Variants in CHL1 observed in about 807,000 individuals in gnomAD.
CHL1 encodes neural cell adhesion molecule L1-like protein.
Under a neutral mutation model 141.9 loss-of-function variants are expected in CHL1, and 96 were observed. The ratio of observed to expected loss-of-function variants is 0.68; its 90% confidence interval spans 0.57 to 0.80. CHL1 has a LOEUF of 0.80. CHL1 is among the 30% of genes least tolerant of loss of function. The pLI is 0.00. For synonymous variants in CHL1, 613 were observed against 502.2 expected, an observed-to-expected ratio of 1.22 and a Z score of -2.95; for missense variants, 1,820 against 1,457.2, an observed-to-expected ratio of 1.25 and a Z score of -4.05.
At chr3:393,094 G>GT (rs751800694) in intron 23 of CHL1, among the ~76,000 whole-genome samples, 3 of 152,038 alleles carry the variant, frequency 2.0e-5, no homozygotes, top group Non-Finnish European at 4.4e-5. Flanking sequence ...TTATCCAGGC[G>GT]TGGTGGTGGG....
chr3:275,570 G>A (rs1412531446), intron 2 of CHL1, among the ~76,000 whole-genome samples: 1 of 152,180 alleles, frequency 6.6e-6, no homozygotes, highest in Non-Finnish European at 1.5e-5. Flanking sequence ...AATATTTACT[G>A]CTTTGTTGCA....
intron 2 of CHL1, among the ~76,000 whole-genome samples, chr3:313,794 G>A (rs1699938159): frequency 6.6e-6 from 1 of 152,048 alleles, no homozygotes; most frequent in Admixed American, 6.6e-5. Flanking sequence ...ATGCAAAGTT[G>A]GTGAATTAAG....
intron 2 of CHL1, among the ~76,000 whole-genome samples, chr3:293,460 G>C (rs555118106): frequency 4.9e-4 from 74 of 152,108 alleles, no homozygotes; most frequent in African/African-American, 1.7e-3. Flanking sequence ...CTGAGAGATC[G>C]AGCCACTGCA....
intron 1 of CHL1, among the ~76,000 whole-genome samples, chr3:228,293 A>G (rs1701542837): frequency 2.0e-5 from 3 of 151,588 alleles, no homozygotes; most frequent in South Asian, 2.1e-4. Context: ...ACAGGATTAC[A>G]TTTAGTCTAA....
At chr3:351,089 G>T (rs889310446) in intron 10 of CHL1, among the ~76,000 whole-genome samples, 1 of 152,200 alleles carries the variant, frequency 6.6e-6, no homozygotes, top group East Asian at 1.9e-4. Flanking sequence ...CAGATGGCTG[G>T]AACATAGCTA....
chr3:354,651 T>C lies in CHL1; in HGVS notation c.1045T>C (p.Trp349Arg). The C allele has an allele frequency of 6.2e-7, 1 of 1,612,460 alleles. No individual in the cohort carries two copies. Among genetic ancestry groups the C allele is most frequent in the Non-Finnish European group, 8.5e-7 (1 of 1,179,276 alleles). Reference protein sequence around the residue: ...FHVIVEEPPRWTKKPQSAVYS... With the variant: ...FHVIVEEPPRRTKKPQSAVYS... ...CACTTTACATCCAGAGCCTCCTCGC[T>C]GGACAAAGAAGCCTCAGAGTGCTGT... Residue 349 changes from tryptophan to arginine, a missense_variant, in exon 11 of 28, where the codon TGG (tryptophan) becomes CGG (arginine). Transcript: ENST00000256509.
rs370966860 is a variant in CHL1, at chr3:309,762, G to C, written c.-94-9921G>C. On this transcript the variant is annotated intron_variant, in intron 2 of 27. Coordinates refer to ENST00000256509, the MANE Select transcript of CHL1 (RefSeq NM_006614.4). ...ACTCCTGGCCTTAGGTGATCCTCCA[G>C]CCTCAGTTTCTCAAAGTGCTAGGAA... Among the ~76,000 whole-genome samples the C allele has an allele frequency of 2.1e-4, 32 of 152,274 alleles. No individual in the cohort carries two copies. The East Asian group carries it at 3.1e-3, about 15-fold the overall frequency.
chr3:224,935 A>G (rs1701182941), intron 1 of CHL1, among the ~76,000 whole-genome samples: 1 of 151,700 alleles, frequency 6.6e-6, no homozygotes. Context: ...CGAGAGTTCA[A>G]GACCAGCCTG....
chr3:356,268 C>T (rs950882042), intron 11 of CHL1, among the ~76,000 whole-genome samples: 4 of 152,072 alleles, frequency 2.6e-5, no homozygotes, highest in East Asian at 1.9e-4. Flanking sequence ...GCAGATTCTC[C>T]GGAACACAAA....
rs763892567 is a variant in CHL1, at chr3:354,864, TG to T, written c.1165+95del. The T allele has an allele frequency of 8.0e-5, 120 of 1,500,874 alleles. No individual in the cohort carries two copies. The Middle Eastern group carries it at 9.1e-4, about 11-fold the overall frequency. The allele number at this position is 1,500,874 out of a possible 1,614,324, so 93.0% of individuals were successfully genotyped here. ...ACGTGTGTAAAATGAAGTTGGTATG[TG>T]GTTGGATTAGCAGGACAGATACAAC... On this transcript the variant is annotated intron_variant, in intron 11 of 27. Transcript: ENST00000256509.
chr3:239,838 A>T (rs1229521978), intron 1 of CHL1, among the ~76,000 whole-genome samples: 1 of 151,974 alleles, frequency 6.6e-6, no homozygotes, highest in African/African-American at 2.4e-5. Context: ...GAGTGAGAAC[A>T]TAGGATTTTT....
intron 2 of CHL1, among the ~76,000 whole-genome samples, chr3:251,986 C>A (rs80115455): frequency 6.6e-6 from 1 of 151,728 alleles, no homozygotes; most frequent in African/African-American, 2.4e-5. Context: ...AGTTGGAAAT[C>A]GAAATCCAAG....
At chr3:404,222 CT>C (rs1270672723) in intron 27 of CHL1, among the ~76,000 whole-genome samples, 3 of 151,494 alleles carry the variant, frequency 2.0e-5, no homozygotes, top group African/African-American at 4.9e-5. Flanking sequence ...CCTTTGCTCA[CT>C]TTTTTTTTAA....
intron 27 of CHL1, among the ~76,000 whole-genome samples, chr3:404,728 T>C (rs1223063985): frequency 6.6e-6 from 1 of 152,098 alleles, no homozygotes; most frequent in Non-Finnish European, 1.5e-5. Context: ...ATCAAAAGGA[T>C]CAGAAGTAAA....
chr3:338,423 G>A lies in CHL1; in HGVS notation c.386-2371G>A, dbSNP rs148565591. Among the ~76,000 whole-genome samples, 425 of 152,248 alleles carry A rather than the reference G, an allele frequency of 2.8e-3. 3 individuals are homozygous for A. The highest frequency in any genetic ancestry group is 9.7e-3 in the African/African-American group (405 of 41,544). ...ATAAACACAGTAAATGCCACTGGTTGGATTTATTTTTAAATGGAGTCATTT... is the reference window on the plus strand; with the variant it reads ...ATAAACACAGTAAATGCCACTGGTTAGATTTATTTTTAAATGGAGTCATTT... On this transcript the variant is annotated intron_variant, in intron 5 of 27. Coordinates refer to ENST00000256509, the MANE Select transcript of CHL1 (RefSeq NM_006614.4).
intron 19 of CHL1, among the ~76,000 whole-genome samples, chr3:384,150 T>C (rs1707386921): frequency 6.6e-6 from 1 of 152,200 alleles, no homozygotes; most frequent in African/African-American, 2.4e-5. Context: ...AGTTTCAAAT[T>C]ATTAATAATT....
intron 2 of CHL1, among the ~76,000 whole-genome samples, chr3:256,280 T>A (rs1694159397): frequency 6.6e-6 from 1 of 152,224 alleles, no homozygotes; most frequent in Non-Finnish European, 1.5e-5. Context: ...CAAATTATTG[T>A]ATATTACCAT....
chr3:382,068 C>T, intron 16 of CHL1, 111 bp from the exon 17 acceptor site: 1 of 801,716 alleles, frequency 1.2e-6, no homozygotes, highest in Non-Finnish European at 2.0e-6. Flanking sequence ...CTTCCCAGGT[C>T]CCTAAGAGGG....
rs1222026383 is a variant in CHL1 at position 363,402 on chromosome 3, T to C, written c.1585+19T>C. The C allele has an allele frequency of 1.3e-6, 2 of 1,599,584 alleles. No homozygotes were observed. The highest frequency in any genetic ancestry group is 2.2e-5 in the South Asian group (2 of 89,524). On this transcript the variant is annotated intron_variant, in intron 14 of 27. Coordinates refer to ENST00000256509, the MANE Select transcript of CHL1 (RefSeq NM_006614.4). ...ATTAGAAGTATTTTTATTTCACTGT[T>C]ACTTTGCATGAATTGTCACATGGGT...
Sources: gnomAD v4.1 joint callset for allele counts (sites outside exome capture counted in the v4.1 genomes callset) on GRCh38, gnomAD v4.1.1 for gene constraint, MANE v1.5 for transcripts, NCBI Gene and HGNC (gene_info 2026-07-23, HGNC 2026-07-21) for gene names.